MTG1: variants seen among roughly 807,000 people sequenced by gnomAD.
The protein encoded by MTG1 is mitochondrial ribosome-associated GTPase 1.
MTG1 carries 30 observed loss-of-function variants against 39.5 expected under a neutral mutation model. That is an observed-to-expected ratio of 0.76 (90% CI 0.57 to 1.03). The LOEUF is 1.03. Ranked by LOEUF, MTG1 falls within the 50% of genes least tolerant of loss-of-function variation. The pLI is 0.00. For missense variants in MTG1, 513 were observed against 447.4 expected (o/e 1.15, Z -1.32); for synonymous variants, 217 against 179.0 (o/e 1.21, Z -1.69).
Position 133,394,504 on chromosome 10 carries a change from G to A in MTG1, c.112+172G>A, listed in dbSNP as rs377145328. The A allele has an allele frequency of 6.6e-4, 892 of 1,342,678 alleles. 6 individuals carry two copies. In the African/African-American group the frequency reaches 0.012, roughly 19 times the overall value. 83.2% of individuals were successfully genotyped at this position (1,342,678 alleles called of 1,614,324 possible). A position where few individuals can be genotyped will look rare whatever the true frequency, so the allele number is the denominator to read the frequency against. ...TCTCACCCGCTCCCGGAGCCGCCGG[G>A]ACCCCTTCCCCTGCGCAGCTGCGGG... On this transcript the variant is annotated intron_variant, in intron 1 of 10. Transcript: ENST00000317502.
At chr10:133,401,781 A>G in intron 7 of MTG1, 191 bp downstream of exon 7, 2 of 714,522 alleles carry the variant, frequency 2.8e-6, no homozygotes, top group South Asian at 3.0e-5. Context: ...TTTGCGCCAA[A>G]CCTTTGGGGA....
chr10:133,402,833 A>G lies in MTG1; in HGVS notation c.752+60A>G. The G allele has an allele frequency of 7.7e-7, 1 of 1,293,798 alleles. No homozygotes were observed. The highest frequency in any genetic ancestry group is 2.5e-5 in the East Asian group (1 of 39,862). 80.1% of individuals were successfully genotyped at this position (1,293,798 alleles called of 1,614,324 possible). ...TCCTCCTAGTCACCTCATTTAAAAAAAAAAAACAAACAAAAAAACCCCCAG... is the reference window on the plus strand; with the variant it reads ...TCCTCCTAGTCACCTCATTTAAAAAGAAAAAACAAACAAAAAAACCCCCAG... On this transcript the variant is annotated intron_variant, in intron 9 of 10. Coordinates refer to ENST00000317502, the MANE Select transcript of MTG1 (RefSeq NM_138384.4). The surrounding 1 kb of genome is among the most constrained non-coding windows in gnomAD (Gnocchi z 4.7).
chr10:133,399,510 CCTCT>C lies in MTG1; in HGVS notation c.421-14_421-11del, dbSNP rs758997077. 3 of 1,612,388 alleles carry C rather than the reference CCTCT, an allele frequency of 1.9e-6. No individual in the cohort carries two copies. In the South Asian group the frequency reaches 3.3e-5, roughly 18 times the overall value. On this transcript the variant is annotated splice_polypyrimidine_tract_variant and intron_variant, in intron 5 of 10. Coordinates refer to ENST00000317502, the MANE Select transcript of MTG1 (RefSeq NM_138384.4). Reference sequence around the variant, plus strand: ...AGCGGCCACGGTGGGCCCTGTGACCCCTCTCTCTGCCTGCGCAGAACCTGGAGTA... The same window carrying C: ...AGCGGCCACGGTGGGCCCTGTGACCCCTCTGCCTGCGCAGAACCTGGAGTA...
chr10:133,415,741 T>C (rs1392426123), intron 9 of MTG1, among the ~76,000 whole-genome samples: 1 of 152,246 alleles, frequency 6.6e-6, no homozygotes, highest in African/African-American at 2.4e-5. Context: ...ATCTGGGTCT[T>C]TGTAGTTTTC....
intron 9 of MTG1, among the ~76,000 whole-genome samples, chr10:133,410,732 A>T (rs79197027): frequency 4.7e-4 from 71 of 152,212 alleles, no homozygotes; most frequent in Non-Finnish European, 1.0e-4. Flanking sequence ...TGATCGTGCC[A>T]TCGCACTTCA....
At position 133,402,896 on chromosome 10, in the gene MTG1, C is replaced by T. The variant is rs926715245; in HGVS notation, c.752+123C>T. On this transcript the variant is annotated intron_variant, in intron 9 of 10. Transcript: ENST00000317502. This position sits in a 1 kb window ranked among gnomAD's most constrained non-coding sequence, Gnocchi z 4.7. ...ATTATAAACACGGTAACCTGCACATCGTTTAAAGCGTCCAGTTGGACAAGT... is the reference window on the plus strand; with the variant it reads ...ATTATAAACACGGTAACCTGCACATTGTTTAAAGCGTCCAGTTGGACAAGT... 4 of 707,618 alleles carry T rather than the reference C, an allele frequency of 5.7e-6. No individual in the cohort carries two copies. Among genetic ancestry groups the T allele is most frequent in the Non-Finnish European group, 6.9e-6 (3 of 432,620 alleles). The allele number at this position is 707,618 out of a possible 1,614,324, so 43.8% of individuals were successfully genotyped here.
At position 133,420,188 on chromosome 10, in the gene MTG1, G is replaced by A. The variant is rs748104807; in HGVS notation, c.*23G>A. 22 of 1,586,776 alleles carry A rather than the reference G, an allele frequency of 1.4e-5. No individual in the cohort carries two copies. The highest frequency in any genetic ancestry group is 1.7e-4 in the Middle Eastern group (1 of 5,808). On this transcript the variant is annotated 3_prime_UTR_variant, in exon 11 of 11. Transcript: ENST00000317502. ...TGAACTTGTCCGGGTAGGGAGGGCC[G>A]GAGGCATGTGGCCTCCCAGACCTCC...
Position 133,394,294 on chromosome 10 carries a change from G to T in MTG1, c.74G>T (p.Arg25Leu). 6.6e-7 allele frequency: 1 copy of T among 1,516,602 alleles called. No homozygotes were observed. The allele number at this position is 1,516,602 out of a possible 1,614,324, so 93.9% of individuals were successfully genotyped here. A position where few individuals can be genotyped will look rare whatever the true frequency, so the allele number is the denominator to read the frequency against. The change falls in exon 1 of 11, where the codon CGC becomes CTC. Residue 25 changes from arginine (R) to leucine (L), a missense_variant. Physicochemically the swap from Arg to Leu is moderately radical, Grantham distance 102. Transcript: ENST00000317502. The part of the protein sequence containing the change: ...AWRENFPLCG[R>L]DVARWFPGHM... ...CGGGAGAACTTCCCCCTGTGCGGTCGCGACGTGGCGCGCTGGTTCCCGGGC... is the reference window on the plus strand; with the variant it reads ...CGGGAGAACTTCCCCCTGTGCGGTCTCGACGTGGCGCGCTGGTTCCCGGGC...
In MTG1 at chr10:133,420,162, C is replaced by G. The variant is rs371041546; in HGVS notation, c.1002C>G (p.Pro334=). 7 of 1,608,390 alleles carry G rather than the reference C, an allele frequency of 4.4e-6. No individual in the cohort carries two copies. Among genetic ancestry groups the G allele is most frequent in the Non-Finnish European group, 5.9e-6 (7 of 1,177,398 alleles). The change falls in exon 11 of 11, where the codon CCC becomes CCG. Residue 334 remains proline (P), a synonymous_variant. Transcript: ENST00000317502. The part of the protein sequence containing the change: ...LRGHPPAETL[P] ...GCCACCCCCCGGCTGAGACTTTGCCCTGAACTTGTCCGGGTAGGGAGGGCC... is the reference window on the plus strand; with the variant it reads ...GCCACCCCCCGGCTGAGACTTTGCCGTGAACTTGTCCGGGTAGGGAGGGCC...
At chr10:133,418,287 G>A (rs1219776223) in intron 9 of MTG1, among the ~76,000 whole-genome samples, 3 of 152,228 alleles carry the variant, frequency 2.0e-5, no homozygotes, top group South Asian at 2.1e-4. Flanking sequence ...GATTACAGGC[G>A]TGAGCCACCA....
chr10:133,398,888 G>A (rs1199431084), intron 4 of MTG1, among the ~76,000 whole-genome samples: 3 of 152,186 alleles, frequency 2.0e-5, no homozygotes, highest in Admixed American at 1.3e-4. Flanking sequence ...GACGGGCATA[G>A]GTGGTCCCCG....
chr10:133,400,629 A>C (rs1179171209), intron 6 of MTG1, among the ~76,000 whole-genome samples: 1 of 152,168 alleles, frequency 6.6e-6, no homozygotes, highest in Non-Finnish European at 1.5e-5. Context: ...TATTCTTTTA[A>C]GTTTATTTTT....
Position 133,402,454 on chromosome 10 carries a change from G to A in MTG1, c.670+209G>A. The A allele has an allele frequency of 1.4e-6, 1 of 697,852 alleles. No homozygotes were observed. Among genetic ancestry groups the A allele is most frequent in the Non-Finnish European group, 2.4e-6 (1 of 415,424 alleles). 43.2% of individuals were successfully genotyped at this position (697,852 alleles called of 1,614,324 possible). ...CACCATTCCACCCTGCCCCATGAGT[G>A]GCCTTCCCTTTCCCCATTTGACGGA... On this transcript the variant is annotated intron_variant, in intron 8 of 10. Transcript: ENST00000317502. This position sits in a 1 kb window ranked among gnomAD's most constrained non-coding sequence, Gnocchi z 4.7.
intron 6 of MTG1, among the ~76,000 whole-genome samples, chr10:133,400,984 C>T (rs1348565460): frequency 6.6e-6 from 1 of 152,246 alleles, no homozygotes; most frequent in Non-Finnish European, 1.5e-5. Flanking sequence ...CTTGTCCATT[C>T]ATCTGGATGG....
intron 9 of MTG1, among the ~76,000 whole-genome samples, chr10:133,417,191 G>A (rs1451474121): frequency 1.3e-5 from 2 of 151,854 alleles, no homozygotes; most frequent in African/African-American, 4.8e-5. Context: ...TGATCAAGTG[G>A]GCTTCATCCC....
intron 9 of MTG1, among the ~76,000 whole-genome samples, chr10:133,406,376 C>G (rs1036925840): frequency 6.6e-6 from 1 of 152,140 alleles, no homozygotes; most frequent in Non-Finnish European, 1.5e-5. Context: ...ACTGCAGCCT[C>G]GAACTCTTGG....
At chr10:133,408,927 AT>A (rs1850006832) in intron 9 of MTG1, among the ~76,000 whole-genome samples, 1 of 146,814 alleles carries the variant, frequency 6.8e-6, no homozygotes, top group Non-Finnish European at 1.5e-5. Flanking sequence ...ATTTATTTTG[AT>A]CTTTTTAAAA....
chr10:133,414,983 G>A (rs1310641691), intron 9 of MTG1, among the ~76,000 whole-genome samples: 1 of 152,260 alleles, frequency 6.6e-6, no homozygotes, highest in Non-Finnish European at 1.5e-5. Context: ...GGCCAACACA[G>A]CGAAACCCCA....
intron 5 of MTG1, 67 bp from the exon 6 acceptor site, chr10:133,399,462 G>A: frequency 1.3e-6 from 2 of 1,501,820 alleles, no homozygotes; most frequent in Non-Finnish European, 1.8e-6. Context: ...TTGCCTGGGT[G>A]GGGTTGCAGA....
Sources: allele counts gnomAD v4.1 joint callset (sites outside exome capture counted in the v4.1 genomes callset), GRCh38; gene constraint gnomAD v4.1.1; non-coding constraint Gnocchi (gnomAD v3.1); transcripts MANE v1.5; gene names NCBI Gene and HGNC (gene_info 2026-07-23, HGNC 2026-07-21).